The following IGF2BP3 variants were observed in gnomAD, a reference collection of about 807,000 sequenced individuals.
The protein encoded by IGF2BP3 is insulin like growth factor 2 mRNA binding protein 3, also known as insulin-like growth factor 2 mRNA-binding protein 3.
In IGF2BP3, 9 loss-of-function variants were observed where a neutral mutation model predicts 73.8. The ratio of observed to expected loss-of-function variants is 0.12; its 90% CI spans 0.07 to 0.21. The LOEUF is 0.21. IGF2BP3 is among the 10% of genes least tolerant of loss of function. IGF2BP3 has a pLI of 1.00. For synonymous variants in IGF2BP3, 258 were observed against 256.7 expected, an observed-to-expected ratio of 1.01 and a Z score of -0.05; for missense variants, 542 against 714.0, an observed-to-expected ratio of 0.76 and a Z score of 2.75.
intron 5 of IGF2BP3, 76 bp from the exon 6 acceptor site, chr7:23,351,662 T>G (rs1393565972): frequency 1.4e-6 from 2 of 1,471,472 alleles, no homozygotes; most frequent in Non-Finnish European, 1.9e-6. Flanking sequence ...GCAACACCCA[T>G]CTCTTCTACT....
At chr7:23,430,556 A>G (rs980413442) in intron 2 of IGF2BP3, among the ~76,000 whole-genome samples, 5 of 152,238 alleles carry the variant, frequency 3.3e-5, no homozygotes, top group Non-Finnish European at 7.3e-5. Flanking sequence ...ATGTCCAAAG[A>G]GGACTTCATT....
intron 10 of IGF2BP3, among the ~76,000 whole-genome samples, chr7:23,321,655 G>A (rs1784155302): frequency 6.6e-6 from 1 of 152,232 alleles, no homozygotes; most frequent in Non-Finnish European, 1.5e-5. Context: ...AGTAACCTCT[G>A]CAGACTTAAA....
At chr7:23,448,685 C>A (rs1788123080) in intron 2 of IGF2BP3, among the ~76,000 whole-genome samples, 3 of 152,132 alleles carry the variant, frequency 2.0e-5, no homozygotes, top group South Asian at 2.1e-4. Context: ...GGCTGGAGTG[C>A]AGTAACCTGA....
At chr7:23,459,724 G>A (rs909368409) in intron 2 of IGF2BP3, among the ~76,000 whole-genome samples, 5 of 151,976 alleles carry the variant, frequency 3.3e-5, no homozygotes, top group South Asian at 2.1e-4. Context: ...TCAGTTACTC[G>A]GGAGGCTGAG....
At chr7:23,438,044 A>G (rs543812281) in intron 2 of IGF2BP3, among the ~76,000 whole-genome samples, 6 of 152,380 alleles carry the variant, frequency 3.9e-5, no homozygotes, top group African/African-American at 1.4e-4. Flanking sequence ...ACAGATATTC[A>G]GGAAAATTGT....
Position 23,469,930 on chromosome 7 carries a change from G to A in IGF2BP3, c.175+6C>T. 1.4e-5 allele frequency: 23 copies of A among 1,605,868 alleles called. No individual in the cohort carries two copies. The highest frequency in any genetic ancestry group is 2.0e-5 in the Non-Finnish European group (23 of 1,177,112). On this transcript the variant is annotated splice_donor_region_variant and intron_variant, in intron 1 of 14. Transcript: ENST00000258729. The surrounding 1 kb of genome is among the most constrained non-coding windows in gnomAD (Gnocchi z 6.1). ...AGAGCCCGGGTGGGGCCAGGCCCGGGCCCACCTGAAAGCGCCTCGATGGCC... is the reference window on the plus strand; with the variant it reads ...AGAGCCCGGGTGGGGCCAGGCCCGGACCCACCTGAAAGCGCCTCGATGGCC...
intron 2 of IGF2BP3, among the ~76,000 whole-genome samples, chr7:23,447,730 G>A (rs1788099814): frequency 6.6e-6 from 1 of 152,080 alleles, no homozygotes. Context: ...CTCAGCACTT[G>A]GGGAGGCTGG....
In IGF2BP3 at chr7:23,313,541, A is replaced by G. The variant is rs79900450; in HGVS notation, c.1508T>C (p.Ile503Thr). The part of the protein sequence containing the change: ...RVPSFAAGRV[I>T]GKGGKTVNEL... Reference sequence around the variant, plus strand: ...ACTTGCCGTTTTGCCTCCTTTTCCAATAACTCTGCCAGCAGCAAAGGATGG... The same window carrying G: ...ACTTGCCGTTTTGCCTCCTTTTCCAGTAACTCTGCCAGCAGCAAAGGATGG... Residue 503 changes from isoleucine to threonine, a missense_variant, in exon 13 of 15, where the codon ATT (isoleucine) becomes ACT (threonine). This residue lies in a region of IGF2BP3 where 303 missense variants were observed against 472.1 expected (regional missense o/e 0.64). Coordinates refer to ENST00000258729, the MANE Select transcript of IGF2BP3 (RefSeq NM_006547.3). 168 of 1,606,760 alleles carry G rather than the reference A, an allele frequency of 1.0e-4. No individual in the cohort carries two copies. Among genetic ancestry groups the G allele is most frequent in the Admixed American group, 3.9e-4 (23 of 59,280 alleles).
intron 3 of IGF2BP3, among the ~76,000 whole-genome samples, chr7:23,386,043 T>C (rs2128519206): frequency 6.6e-6 from 1 of 152,350 alleles, no homozygotes; most frequent in Non-Finnish European, 1.5e-5. Flanking sequence ...AAGATTTGTT[T>C]CAAATTATCT....
intron 2 of IGF2BP3, among the ~76,000 whole-genome samples, chr7:23,448,400 A>G (rs1354734716): frequency 6.6e-6 from 1 of 152,068 alleles, no homozygotes; most frequent in African/African-American, 2.4e-5. Flanking sequence ...TTTATTCTAA[A>G]CACTTATCTT....
chr7:23,411,661 A>C (rs1444300326), intron 3 of IGF2BP3, among the ~76,000 whole-genome samples: 2 of 152,198 alleles, frequency 1.3e-5, no homozygotes, highest in Non-Finnish European at 2.9e-5. Flanking sequence ...GTAGCACCTA[A>C]CACAGCATCA....
chr7:23,350,066 G>A (rs956423711), intron 6 of IGF2BP3, among the ~76,000 whole-genome samples: 4 of 152,204 alleles, frequency 2.6e-5, no homozygotes, highest in African/African-American at 9.7e-5. Flanking sequence ...GGGGAAGGCA[G>A]GATCAGATGC....
At chr7:23,461,777 A>T (rs193297688) in intron 2 of IGF2BP3, among the ~76,000 whole-genome samples, 12 of 152,342 alleles carry the variant, frequency 7.9e-5, no homozygotes, top group Admixed American at 7.8e-4. Flanking sequence ...CAATTTGTGG[A>T]AGATGACATA....
intron 3 of IGF2BP3, among the ~76,000 whole-genome samples, chr7:23,383,764 G>C (rs768480506): frequency 1.3e-5 from 2 of 152,128 alleles, no homozygotes; most frequent in East Asian, 1.9e-4. Flanking sequence ...AAACAACGTG[G>C]TATATTTATG....
intron 3 of IGF2BP3, among the ~76,000 whole-genome samples, chr7:23,418,502 C>T (rs148794807): frequency 6.6e-6 from 1 of 152,170 alleles, no homozygotes. Context: ...GAACTGAAAT[C>T]AACAAAATCC....
intron 2 of IGF2BP3, among the ~76,000 whole-genome samples, chr7:23,451,536 G>A (rs144580289): frequency 0.016 from 2,407 of 152,300 alleles, 29 homozygotes; most frequent in Middle Eastern, 0.031. Context: ...GGAGGTTGCA[G>A]TGAGATGAGA....
At chr7:23,335,073 TAAAAAAAAAA>T (rs5882898) in intron 10 of IGF2BP3, among the ~76,000 whole-genome samples, 2 of 69,182 alleles carry the variant, frequency 2.9e-5, no homozygotes, top group African/African-American at 1.2e-4. Flanking sequence ...TCTTTAACAT[TAAAAAAAAAA>T]AAAAAAAAAA....
rs1479434553 is a variant in IGF2BP3 at position 23,470,254 on chromosome 7, G to A, written c.-144C>T. 3.5e-6 allele frequency: 2 copies of A among 577,636 alleles called. No individual in the cohort carries two copies. Among genetic ancestry groups the A allele is most frequent in the East Asian group, 6.0e-5 (2 of 33,106 alleles). The allele number at this position is 577,636 out of a possible 1,614,324, so 35.8% of individuals were successfully genotyped here. On this transcript the variant is annotated 5_prime_UTR_variant, in exon 1 of 15. Transcript: ENST00000258729. ...CAAACACAGTAAGAACCAAGCACAAGAACGAGGAGTGAAAAATCAGATCCG... is the reference window on the plus strand; with the variant it reads ...CAAACACAGTAAGAACCAAGCACAAAAACGAGGAGTGAAAAATCAGATCCG...
chr7:23,469,923 G>T lies in IGF2BP3; in HGVS notation c.175+13C>A, dbSNP rs765258570. 1 of 1,602,956 alleles carries T rather than the reference G, an allele frequency of 6.2e-7. No homozygotes were observed. Among genetic ancestry groups the T allele is most frequent in the Non-Finnish European group, 8.5e-7 (1 of 1,175,790 alleles). On this transcript the variant is annotated intron_variant, in intron 1 of 14. Transcript: ENST00000258729. The surrounding 1 kb of genome is among the most constrained non-coding windows in gnomAD (Gnocchi z 6.1). ...TGGGGCGAGAGCCCGGGTGGGGCCAGGCCCGGGCCCACCTGAAAGCGCCTC... is the reference window on the plus strand; with the variant it reads ...TGGGGCGAGAGCCCGGGTGGGGCCATGCCCGGGCCCACCTGAAAGCGCCTC...
Sources: gnomAD v4.1 joint callset for allele counts (sites outside exome capture counted in the v4.1 genomes callset) on GRCh38, gnomAD v4.1.1 for gene constraint, gnomAD v4.1.1 regional missense constraint, Gnocchi (gnomAD v3.1) non-coding constraint, MANE v1.5 for transcripts, NCBI Gene and HGNC (gene_info 2026-07-23, HGNC 2026-07-21) for gene names.